The following PLD5 variants were observed in gnomAD, a reference collection of about 807,000 sequenced individuals.
The protein encoded by PLD5 is phospholipase D family member 5.
PLD5 carries 36 observed loss-of-function variants against 61.1 expected under a neutral mutation model. The observed-to-expected ratio is 0.59, with a 90% CI of 0.45 to 0.78. PLD5 has a LOEUF of 0.78. Ranked by LOEUF, PLD5 falls within the 30% of genes least tolerant of loss-of-function variation. The pLI, the probability that PLD5 is intolerant of heterozygous loss-of-function variation, is 0.00. For synonymous variants in PLD5, 243 were observed against 242.8 expected (o/e 1.00, Z -0.01); for missense variants, 515 against 644.4 (o/e 0.80, Z 2.17).
At chr1:242,397,781 CT>C in intron 1 of PLD5, among the ~76,000 whole-genome samples, 1 of 140,728 alleles carries the variant, frequency 7.1e-6, no homozygotes, top group South Asian at 2.3e-4. Context: ...TCTTCTTCTT[CT>C]TCTTTTTTTT....
At chr1:242,428,339 T>C (rs1289314659) in intron 1 of PLD5, among the ~76,000 whole-genome samples, 1 of 152,240 alleles carries the variant, frequency 6.6e-6, no homozygotes, top group African/African-American at 2.4e-5. Flanking sequence ...TTTTGTTCTA[T>C]ATGAGGAAAT....
intron 1 of PLD5, among the ~76,000 whole-genome samples, chr1:242,445,761 C>CTTTT (rs759465537): frequency 7.7e-6 from 1 of 129,676 alleles, no homozygotes; most frequent in African/African-American, 2.9e-5. Context: ...TTATTCACTT[C>CTTTT]TTTTTTTTTT....
intron 2 of PLD5, among the ~76,000 whole-genome samples, chr1:242,307,365 A>ATGG (rs879681629): frequency 0.69 from 102,606 of 148,032 alleles, 36,064 homozygotes; most frequent in Admixed American, 0.76. Context: ...GATGATGGTG[A>ATGG]TGATGATGAT....
intron 4 of PLD5, among the ~76,000 whole-genome samples, chr1:242,231,063 T>C (rs1297579015): frequency 6.6e-6 from 1 of 152,246 alleles, no homozygotes; most frequent in African/African-American, 2.4e-5. Flanking sequence ...TAACATTTAC[T>C]TGAGTAATAT....
At position 242,394,776 on chromosome 1, in the gene PLD5, ATGTG is replaced by A. The variant is rs1397581596; in HGVS notation, c.190-46538_190-46535del. Among the ~76,000 whole-genome samples, 28 of 72,408 alleles carry A rather than the reference ATGTG, an allele frequency of 3.9e-4. 9 individuals carry two copies. Among genetic ancestry groups the A allele is most frequent in the Non-Finnish European group, 6.4e-4 (24 of 37,486 alleles). The allele number at this position is 72,408 out of a possible 152,430, so 47.5% of individuals were successfully genotyped here. A position where few individuals can be genotyped will look rare whatever the true frequency, so the allele number is the denominator to read the frequency against. ...TATATGTGTATATATGTGAATATAT[ATGTG>A]TATATATGTGAATATATATGTGTAT... On this transcript the variant is annotated intron_variant, in intron 1 of 9. Transcript: ENST00000536534.
rs1553366819 is a variant in PLD5, at chr1:242,394,898, TTA to T, written c.190-46658_190-46657del. On this transcript the variant is annotated intron_variant, in intron 1 of 9. Coordinates refer to ENST00000536534, the MANE Select transcript of PLD5 (RefSeq NM_001372062.1). ...TATATGAATATATGTATATATATGA[TTA>T]TATATGAATATATATGTATATATGT... 4.9e-5 allele frequency among the ~76,000 whole-genome samples: 5 copies of T among 102,600 alleles called. 1 individual carries two copies. Among genetic ancestry groups the T allele is most frequent in the South Asian group, 3.1e-4 (1 of 3,246 alleles). The allele number at this position is 102,600 out of a possible 152,430, so 67.3% of individuals were successfully genotyped here.
chr1:242,369,386 A>G (rs1311110647), intron 1 of PLD5, among the ~76,000 whole-genome samples: 3 of 152,196 alleles, frequency 2.0e-5, no homozygotes, highest in African/African-American at 7.2e-5. Flanking sequence ...TCCAATATTT[A>G]ATTTTACAGA....
At chr1:242,126,680 A>G (rs1662811779) in intron 5 of PLD5, among the ~76,000 whole-genome samples, 1 of 152,240 alleles carries the variant, frequency 6.6e-6, no homozygotes, top group Non-Finnish European at 1.5e-5. Context: ...CAAGGGCTTA[A>G]CTCTAAGACC....
chr1:242,353,918 G>T (rs1474465309), intron 1 of PLD5, among the ~76,000 whole-genome samples: 3 of 150,738 alleles, frequency 2.0e-5, no homozygotes, highest in Admixed American at 6.6e-5. Context: ...AAAGTTTGTT[G>T]TTAGTGAAAA....
chr1:242,191,926 A>G (rs1668313293), intron 5 of PLD5, among the ~76,000 whole-genome samples: 1 of 152,098 alleles, frequency 6.6e-6, no homozygotes, highest in Admixed American at 6.5e-5. Flanking sequence ...GTGAGACAGA[A>G]AAGAAAGACT....
At chr1:242,316,517 A>C (rs1657999602) in intron 2 of PLD5, among the ~76,000 whole-genome samples, 1 of 152,172 alleles carries the variant, frequency 6.6e-6, no homozygotes, top group Non-Finnish European at 1.5e-5. Flanking sequence ...ATGCCTTGTA[A>C]TCATCTCTGG....
At chr1:242,164,684 A>G (rs1006706747) in intron 5 of PLD5, among the ~76,000 whole-genome samples, 9 of 152,206 alleles carry the variant, frequency 5.9e-5, no homozygotes, top group Non-Finnish European at 1.0e-4. Context: ...CCACGTCTAC[A>G]TTACCCCAGG....
chr1:242,247,753 G>T (rs1672473607), intron 4 of PLD5, among the ~76,000 whole-genome samples: 1 of 152,148 alleles, frequency 6.6e-6, no homozygotes, highest in Non-Finnish European at 1.5e-5. Flanking sequence ...GTTTACAGTG[G>T]CTATTCTCCT....
chr1:242,242,606 T>C (rs78209429), intron 4 of PLD5, among the ~76,000 whole-genome samples: 5,316 of 152,244 alleles, frequency 0.035, 294 homozygotes, highest in African/African-American at 0.12. Flanking sequence ...TAATCACGGA[T>C]CGTAGACACA....
chr1:242,326,772 T>A (rs1658816580), intron 2 of PLD5, among the ~76,000 whole-genome samples: 1 of 152,144 alleles, frequency 6.6e-6, no homozygotes. Flanking sequence ...AGTGGCATGA[T>A]CACAGCTCAC....
intron 1 of PLD5, among the ~76,000 whole-genome samples, chr1:242,461,380 A>G (rs1667113875): frequency 6.6e-6 from 1 of 152,212 alleles, no homozygotes; most frequent in South Asian, 2.1e-4. Context: ...GAGGTGTATT[A>G]TAGTATGCCG....
At chr1:242,506,844 T>C (rs1290765388) in intron 1 of PLD5, among the ~76,000 whole-genome samples, 1 of 152,218 alleles carries the variant, frequency 6.6e-6, no homozygotes, top group Admixed American at 6.5e-5. Flanking sequence ...TCCAAGCGGA[T>C]GTGCGGGAGC....
intron 1 of PLD5, among the ~76,000 whole-genome samples, chr1:242,439,616 A>C (rs1666179874): frequency 6.6e-6 from 1 of 152,216 alleles, no homozygotes; most frequent in African/African-American, 2.4e-5. Flanking sequence ...GGGGTTTACC[A>C]TCAAGTTGAG....
intron 5 of PLD5, among the ~76,000 whole-genome samples, chr1:242,209,768 A>AGTG (rs1669677818): frequency 6.6e-6 from 1 of 152,150 alleles, no homozygotes; most frequent in Non-Finnish European, 1.5e-5. Context: ...TTAAAGGAAG[A>AGTG]GTGGTACATC....
Sources: allele counts gnomAD v4.1 joint callset (sites outside exome capture counted in the v4.1 genomes callset), GRCh38; gene constraint gnomAD v4.1.1; transcripts MANE v1.5; gene names NCBI Gene and HGNC (gene_info 2026-07-23, HGNC 2026-07-21).